PFDN1: variants seen among roughly 807,000 people sequenced by gnomAD.
PFDN1 encodes the protein prefoldin 1.
In PFDN1, 6 loss-of-function variants were observed where a neutral mutation model predicts 17.3. That is an observed-to-expected ratio of 0.35 (90% CI 0.19 to 0.69). PFDN1 has a LOEUF of 0.69. PFDN1 is among the 30% of genes least tolerant of loss of function. The pLI, the probability that PFDN1 is intolerant of heterozygous loss-of-function variation, is 0.65. For synonymous variants in PFDN1, 58 were observed against 50.1 expected (o/e 1.16, Z -0.67); for missense variants, 113 against 146.2 (o/e 0.77, Z 1.17).
At chr5:140,279,607 A>G (rs1384926762) in intron 3 of PFDN1, among the ~76,000 whole-genome samples, 1 of 152,086 alleles carries the variant, frequency 6.6e-6, no homozygotes, top group Non-Finnish European at 1.5e-5. Context: ...GACTACAAGC[A>G]TTTGCCACTG....
intron 3 of PFDN1, among the ~76,000 whole-genome samples, chr5:140,260,387 G>C (rs1328144714): frequency 2.3e-5 from 1 of 42,978 alleles, no homozygotes; most frequent in Non-Finnish European, 5.0e-5. Flanking sequence ...ACAAAAACTT[G>C]TAAATGTTCA....
intron 3 of PFDN1, among the ~76,000 whole-genome samples, chr5:140,246,982 G>C (rs764252935): frequency 6.6e-6 from 1 of 152,148 alleles, no homozygotes; most frequent in Admixed American, 6.5e-5. Context: ...CAGTAATACA[G>C]TCACCAGGCA....
intron 1 of PFDN1, among the ~76,000 whole-genome samples, chr5:140,301,285 GA>G (rs1164762875): frequency 6.6e-6 from 1 of 152,190 alleles, no homozygotes; most frequent in African/African-American, 2.4e-5. Flanking sequence ...AAGAGAGTGA[GA>G]AAAAATGCAA....
At chr5:140,272,079 G>A (rs1161882371) in intron 3 of PFDN1, among the ~76,000 whole-genome samples, 1 of 151,738 alleles carries the variant, frequency 6.6e-6, no homozygotes, top group Non-Finnish European at 1.5e-5. Flanking sequence ...GAGTGCAATA[G>A]CGTAATCTTG....
intron 3 of PFDN1, among the ~76,000 whole-genome samples, chr5:140,268,930 C>A (rs1765168854): frequency 6.6e-6 from 1 of 152,170 alleles, no homozygotes; most frequent in Non-Finnish European, 1.5e-5. Flanking sequence ...AAAGGAGATG[C>A]CATCACCTTG....
At chr5:140,273,193 C>T (rs1384073933) in intron 3 of PFDN1, among the ~76,000 whole-genome samples, 1 of 148,624 alleles carries the variant, frequency 6.7e-6, no homozygotes. Context: ...TGCAGTGAGC[C>T]GAGATCGTGC....
chr5:140,253,113 A>G (rs1764938487), intron 3 of PFDN1, among the ~76,000 whole-genome samples: 1 of 152,252 alleles, frequency 6.6e-6, no homozygotes, highest in Non-Finnish European at 1.5e-5. Flanking sequence ...GAAATCTCGG[A>G]AGGAGTTACT....
chr5:140,287,528 C>A (rs1445262645), intron 2 of PFDN1, among the ~76,000 whole-genome samples: 1 of 152,102 alleles, frequency 6.6e-6, no homozygotes, highest in Non-Finnish European at 1.5e-5. Flanking sequence ...GAATCAGGAA[C>A]CACAGCTTCT....
intron 3 of PFDN1, among the ~76,000 whole-genome samples, chr5:140,279,863 C>T (rs1581092623): frequency 6.6e-6 from 1 of 151,186 alleles, no homozygotes; most frequent in South Asian, 2.1e-4. Flanking sequence ...GGCGTGGTGG[C>T]GCATGCCTGT....
In PFDN1 at chr5:140,254,191, C is replaced by T. The variant is rs1023234000; in HGVS notation, c.286-8134G>A. Among the ~76,000 whole-genome samples the T allele has an allele frequency of 1.3e-5, 2 of 152,136 alleles. No individual in the cohort carries two copies. The highest frequency in any genetic ancestry group is 2.9e-5 in the Non-Finnish European group (2 of 68,024). On this transcript the variant is annotated intron_variant, in intron 3 of 3. Coordinates refer to ENST00000261813, the MANE Select transcript of PFDN1 (RefSeq NM_002622.5). This position sits in a 1 kb window ranked among gnomAD's most constrained non-coding sequence, Gnocchi z 4.4. ...CAGATGAATGGGCACGGCTATGTTT[C>T]GAAAGCACAGAAACAGGCAGTGGGC...
intron 3 of PFDN1, among the ~76,000 whole-genome samples, chr5:140,278,247 A>G (rs1441391386): frequency 1.3e-5 from 2 of 151,746 alleles, no homozygotes; most frequent in African/African-American, 2.4e-5. Flanking sequence ...AGAAGAGCTG[A>G]GAAATTCCTA....
chr5:140,263,854 T>C (rs1765098036), intron 3 of PFDN1, among the ~76,000 whole-genome samples: 1 of 151,394 alleles, frequency 6.6e-6, no homozygotes, highest in Non-Finnish European at 1.5e-5. Flanking sequence ...ACCCCGTCTC[T>C]ACTAAAAATA....
Position 140,245,692 on chromosome 5 carries a change from G to C in PFDN1, c.*282C>G, listed in dbSNP as rs891878252. The C allele has an allele frequency of 3.2e-6, 2 of 628,096 alleles. No homozygotes were observed. The highest frequency in any genetic ancestry group is 3.7e-5 in the African/African-American group (2 of 54,602). The allele number at this position is 628,096 out of a possible 1,614,324, so 38.9% of individuals were successfully genotyped here. A position where few individuals can be genotyped will look rare whatever the true frequency, so the allele number is the denominator to read the frequency against. ...GCGTGCCTAGTGGAAAGCTCAGGCA[G>C]AGCTTCCTATCTTGCCCTGGCTCCC... is the stretch of plus-strand genomic sequence containing the variant. On this transcript the variant is annotated 3_prime_UTR_variant, in exon 4 of 4. Coordinates refer to ENST00000261813, the MANE Select transcript of PFDN1 (RefSeq NM_002622.5).
chr5:140,299,671 T>C (rs1343294955), intron 2 of PFDN1, among the ~76,000 whole-genome samples: 2 of 152,028 alleles, frequency 1.3e-5, no homozygotes, highest in Non-Finnish European at 2.9e-5. Flanking sequence ...CAGCTCCTCA[T>C]TTTAAAAAAA....
At chr5:140,291,670 A>G (rs35497327) in intron 2 of PFDN1, among the ~76,000 whole-genome samples, 2 of 48,676 alleles carry the variant, frequency 4.1e-5, no homozygotes, top group Middle Eastern at 0.016. Flanking sequence ...ACATATAGAC[A>G]AAAAAAAAGA....
At chr5:140,251,994 T>TC (rs1237344368) in intron 3 of PFDN1, among the ~76,000 whole-genome samples, 7 of 144,184 alleles carry the variant, frequency 4.9e-5, no homozygotes, top group East Asian at 4.0e-4. Flanking sequence ...ATTAGTTTTT[T>TC]TTTTCTTTCT....
chr5:140,280,788 G>C (rs1765386948), intron 3 of PFDN1, among the ~76,000 whole-genome samples: 1 of 151,906 alleles, frequency 6.6e-6, no homozygotes, highest in South Asian at 2.1e-4. Context: ...ACACAGGATG[G>C]GCCTTTCACC....
At chr5:140,261,571 G>A (rs922628422) in intron 3 of PFDN1, among the ~76,000 whole-genome samples, 8 of 152,198 alleles carry the variant, frequency 5.3e-5, no homozygotes, top group Non-Finnish European at 1.5e-5. Flanking sequence ...GGCAGGCACA[G>A]CTACATGACT....
intron 3 of PFDN1, among the ~76,000 whole-genome samples, chr5:140,261,350 T>C (rs1233057194): frequency 2.0e-5 from 3 of 152,192 alleles, no homozygotes; most frequent in Non-Finnish European, 4.4e-5. Flanking sequence ...AAATTAACTT[T>C]AATGCTGTAA....
Sources: allele counts gnomAD v4.1 joint callset (sites outside exome capture counted in the v4.1 genomes callset), GRCh38; gene constraint gnomAD v4.1.1; non-coding constraint Gnocchi (gnomAD v3.1); transcripts MANE v1.5; gene names NCBI Gene and HGNC (gene_info 2026-07-23, HGNC 2026-07-21).